Variants in NIBAN3 observed in about 807,000 individuals in gnomAD.
NIBAN3 encodes niban apoptosis regulator 3, also known as protein Niban 3.
A neutral mutation model predicts 76.4 loss-of-function variants in NIBAN3; 66 were observed. The ratio of observed to expected loss-of-function variants is 0.86; its 90% confidence interval spans 0.71 to 1.06. NIBAN3 has a LOEUF of 1.06. Among genes scored for constraint, NIBAN3 ranks in the 50% least tolerant of loss-of-function variants. NIBAN3 has a pLI of 0.00. For synonymous variants in NIBAN3, 360 were observed against 355.2 expected (o/e 1.01, Z -0.15); for missense variants, 808 against 810.7 (o/e 1.00, Z 0.04).
chr19:17,528,369 G>C (rs547192626), intron 1 of NIBAN3, among the ~76,000 whole-genome samples: 1 of 152,284 alleles, frequency 6.6e-6, no homozygotes, highest in East Asian at 1.9e-4. Flanking sequence ...TGGGATTACA[G>C]GTGTGAGCCA....
Position 17,540,620 on chromosome 19 carries a change from G to A in NIBAN3, c.1170+38G>A. The A allele has an allele frequency of 3.7e-6, 5 of 1,360,606 alleles. 1 individual carries two copies. The South Asian group carries it at 4.9e-5, about 13-fold the overall frequency. 84.3% of individuals were successfully genotyped at this position (1,360,606 alleles called of 1,614,324 possible). On this transcript the variant is annotated intron_variant, in intron 9 of 14. Transcript: ENST00000599164. ...GGGTAGGGGTTCAGTGAGCCAGAGGGTGATGTGTTAACTTGAGTCTTTCCT... is the reference window on the plus strand; with the variant it reads ...GGGTAGGGGTTCAGTGAGCCAGAGGATGATGTGTTAACTTGAGTCTTTCCT...
At chr19:17,533,365 G>A (rs192047579) in intron 3 of NIBAN3, 6 of 446,760 alleles carry the variant, frequency 1.3e-5, no homozygotes, top group Admixed American at 3.9e-5. Flanking sequence ...AGCTGAGATC[G>A]CGCCATCGCA....
Position 17,543,632 on chromosome 19 carries a change from G to A in NIBAN3, c.1554+1G>A. Reference sequence around the variant, plus strand: ...CCAACTCGAGCCAGGCTGCAAAAAGGTGAGTTAATGGGAAGTGTGCAAGAG... The same window carrying A: ...CCAACTCGAGCCAGGCTGCAAAAAGATGAGTTAATGGGAAGTGTGCAAGAG... On this transcript the variant is annotated splice_donor_variant, in intron 12 of 14. Transcript: ENST00000599164. LOFTEE classifies it high-confidence loss of function. 1.2e-6 allele frequency: 2 copies of A among 1,611,346 alleles called. No individual in the cohort carries two copies. Among genetic ancestry groups the A allele is most frequent in the Non-Finnish European group, 1.7e-6 (2 of 1,178,354 alleles).
At chr19:17,524,310 G>A (rs535030231), upstream of NIBAN3, among the ~76,000 whole-genome samples, 12 of 151,048 alleles carry the variant, frequency 7.9e-5, no homozygotes, top group East Asian at 2.4e-3. Context: ...TTTTGAGACA[G>A]AGTCTCGCCC....
chr19:17,527,552 C>A (rs529171242), intron 1 of NIBAN3, among the ~76,000 whole-genome samples, 157 bp downstream of exon 1: 2 of 152,108 alleles, frequency 1.3e-5, no homozygotes, highest in South Asian at 4.1e-4. Flanking sequence ...CGCAGTGAAT[C>A]TTTTTTTATT....
intron 8 of NIBAN3, 105 bp downstream of exon 8, chr19:17,539,870 G>A (rs1349526079): frequency 1.2e-5 from 11 of 928,904 alleles, no homozygotes; most frequent in Non-Finnish European, 1.4e-5. Flanking sequence ...TAAAATGGGG[G>A]CGTGGTCAGA....
chr19:17,530,439 G>A (rs1478928053), intron 1 of NIBAN3, among the ~76,000 whole-genome samples: 8 of 151,268 alleles, frequency 5.3e-5, no homozygotes, highest in African/African-American at 1.9e-4. Context: ...AGGCTGAGGC[G>A]GGAGAATTGC....
At position 17,549,478 on chromosome 19, in the gene NIBAN3, C is replaced by G. The variant is rs1253167152; in HGVS notation, c.1701C>G (p.Ser567=). 1 of 1,613,832 alleles carries G rather than the reference C, an allele frequency of 6.2e-7. No homozygotes were observed. Among genetic ancestry groups the G allele is most frequent in the Non-Finnish European group, 8.5e-7 (1 of 1,179,904 alleles). ...LKKTLGANDV[S]CTLDGCLEVP... The stretch of plus-strand genomic sequence containing the variant: ...AGACCCTTGGTGCCAATGATGTATC[C>G]TGCACTCTGGACGGCTGCTTGGAGG... Residue 567 remains serine (S), a synonymous_variant, in exon 14 of 15, where the codon TCC becomes TCG. Transcript: ENST00000599164.
downstream of NIBAN3, chr19:17,553,645 C>A: frequency 1.7e-6 from 2 of 1,180,902 alleles, no homozygotes; most frequent in Non-Finnish European, 2.5e-6. Flanking sequence ...ACTTCATAGG[C>A]TTCTTTAGCT....
intron 5 of NIBAN3, among the ~76,000 whole-genome samples, chr19:17,538,746 GAGAAAGAA>G (rs112330347): frequency 4.7e-5 from 7 of 148,954 alleles, no homozygotes; most frequent in African/African-American, 1.5e-4. Flanking sequence ...AAGAAAGAAA[GAGAAAGAA>G]AGAAAGAGAG....
chr19:17,539,719 G>C lies in NIBAN3; in HGVS notation c.933G>C (p.Val311=), dbSNP rs963944716. 1.9e-6 allele frequency: 3 copies of C among 1,545,848 alleles called. No individual in the cohort carries two copies. The highest frequency in any genetic ancestry group is 1.9e-5 in the Admixed American group (1 of 51,330). The change falls in exon 8 of 15, where the codon GTG becomes GTC. Residue 311 remains valine (V), a synonymous_variant. Transcript: ENST00000599164. ...ASLEKTIRPD[V]DQLLRQRARV... Reference sequence around the variant, plus strand: ...TGGAGAAGACGATCCGCCCGGACGTGGACCAGCTGCTGCGGCAGCGGGCGC... The same window carrying C: ...TGGAGAAGACGATCCGCCCGGACGTCGACCAGCTGCTGCGGCAGCGGGCGC...
chr19:17,538,564 A>C (rs1244534833), intron 5 of NIBAN3, among the ~76,000 whole-genome samples: 2 of 151,942 alleles, frequency 1.3e-5, no homozygotes, highest in Non-Finnish European at 2.9e-5. Context: ...TGGAGGCTGC[A>C]GTAAGCAATG....
intron 8 of NIBAN3, 36 bp from the exon 9 acceptor site, chr19:17,540,356 C>T (rs769325370): frequency 2.9e-6 from 4 of 1,396,460 alleles, no homozygotes; most frequent in South Asian, 1.7e-5. Flanking sequence ...AGGCACCTTG[C>T]GGAGGGGACT....
At position 17,530,746 on chromosome 19, in the gene NIBAN3, T is replaced by C. The variant is rs1461379711; in HGVS notation, c.56-9T>C. The C allele has an allele frequency of 1.2e-6, 2 of 1,602,438 alleles. No homozygotes were observed. The highest frequency in any genetic ancestry group is 2.3e-5 in the East Asian group (1 of 44,242). On this transcript the variant is annotated splice_polypyrimidine_tract_variant and intron_variant, in intron 1 of 14. Transcript: ENST00000599164. ...ATTTGCTGGGTTCACTGTCCCCTTG[T>C]CCCTGCAGGTCAGGTGGACACCCTG...
Position 17,547,316 on chromosome 19 carries a change from T to A in NIBAN3, c.1666+519T>A, listed in dbSNP as rs569533178. ...TTGCAGTGAGACAAGATCGCGCCAC[T>A]GCACTGCAGCCTGGCGACAGAACGA... is the stretch of plus-strand genomic sequence containing the variant. On this transcript the variant is annotated intron_variant, in intron 13 of 14. Coordinates refer to ENST00000599164, the MANE Select transcript of NIBAN3 (RefSeq NM_001321827.2). 1.1e-3 allele frequency among the ~76,000 whole-genome samples: 157 copies of A among 139,804 alleles called. 1 individual carries two copies. The highest frequency in any genetic ancestry group is 3.8e-3 in the African/African-American group (149 of 38,890). 91.7% of individuals were successfully genotyped at this position (139,804 alleles called of 152,430 possible).
Position 17,546,505 on chromosome 19 carries a change from G to A in NIBAN3, c.1555-181G>A, listed in dbSNP as rs112696433. The A allele has an allele frequency of 1.5e-3, 1,702 of 1,127,302 alleles. 25 individuals are homozygous for A. The African/African-American group carries it at 0.026, about 17-fold the overall frequency. The allele number at this position is 1,127,302 out of a possible 1,614,324, so 69.8% of individuals were successfully genotyped here. A position where few individuals can be genotyped will look rare whatever the true frequency, so the allele number is the denominator to read the frequency against. ...GCTGGGATTACAGGCATGAGCCACC[G>A]CACCCGGCCTGTTTATTTTAAAATA... is the stretch of plus-strand genomic sequence containing the variant. On this transcript the variant is annotated intron_variant, in intron 12 of 14. Coordinates refer to ENST00000599164, the MANE Select transcript of NIBAN3 (RefSeq NM_001321827.2).
At position 17,542,372 on chromosome 19, in the gene NIBAN3, A is replaced by G; in HGVS notation, c.1329+78A>G. The stretch of plus-strand genomic sequence containing the variant: ...TGACCTCCTGCTAAGTGTGCCCTGG[A>G]GAGACCACGATGATCGAGACAACTC... On this transcript the variant is annotated intron_variant, in intron 10 of 14. Coordinates refer to ENST00000599164, the MANE Select transcript of NIBAN3 (RefSeq NM_001321827.2). The surrounding 1 kb of genome is among the most constrained non-coding windows in gnomAD (Gnocchi z 4.8). The G allele has an allele frequency of 6.9e-7, 1 of 1,449,828 alleles. No homozygotes were observed. Among genetic ancestry groups the G allele is most frequent in the Non-Finnish European group, 9.3e-7 (1 of 1,076,988 alleles). The allele number at this position is 1,449,828 out of a possible 1,614,324, so 89.8% of individuals were successfully genotyped here.
At chr19:17,535,609 G>T (rs1369664279) in intron 4 of NIBAN3, among the ~76,000 whole-genome samples, 1 of 152,112 alleles carries the variant, frequency 6.6e-6, no homozygotes, top group African/African-American at 2.4e-5. Context: ...TTAGCCGAGC[G>T]TGGTGGCACA....
At chr19:17,527,603 G>A (rs936188290) in intron 1 of NIBAN3, among the ~76,000 whole-genome samples, 2 of 152,130 alleles carry the variant, frequency 1.3e-5, no homozygotes, top group Admixed American at 6.6e-5. Flanking sequence ...CTGGAGTGCC[G>A]TGGTATGATC....
Sources: allele counts gnomAD v4.1 joint callset (sites outside exome capture counted in the v4.1 genomes callset), GRCh38; gene constraint gnomAD v4.1.1; non-coding constraint Gnocchi (gnomAD v3.1); transcripts MANE v1.5; gene names NCBI Gene and HGNC (gene_info 2026-07-23, HGNC 2026-07-21).